The following OTOGL variants were observed in gnomAD, a reference collection of about 807,000 sequenced individuals.
The protein encoded by OTOGL is otogelin-like protein.
In OTOGL, 285 loss-of-function variants were observed where a neutral mutation model predicts 318.5. The ratio of observed to expected loss-of-function variants is 0.89; its 90% CI spans 0.81 to 0.99. The LOEUF (loss-of-function observed/expected upper bound fraction) is 0.99. Among genes scored for constraint, OTOGL ranks in the 50% least tolerant of loss-of-function variants. The pLI is 0.00. For missense variants in OTOGL, 2,899 were observed against 2,845.6 expected, an observed-to-expected ratio of 1.02 and a Z score of -0.43; for synonymous variants, 987 against 936.5, an observed-to-expected ratio of 1.05 and a Z score of -0.99.
chr12:80,179,405 G>A (rs1184754835), intron 1 of OTOGL, among the ~76,000 whole-genome samples: 1 of 152,148 alleles, frequency 6.6e-6, no homozygotes, highest in Non-Finnish European at 1.5e-5. Context: ...CCTGTAGCCT[G>A]AGGGCACTAA....
At chr12:80,166,624 C>A (rs1873848603) in intron 1 of OTOGL, among the ~76,000 whole-genome samples, 1 of 152,158 alleles carries the variant, frequency 6.6e-6, no homozygotes, top group Admixed American at 6.6e-5. Context: ...GAGATTTACT[C>A]TGCTCCATAA....
chr12:80,334,079 T>C (rs1480461313), intron 38 of OTOGL, among the ~76,000 whole-genome samples: 2 of 152,076 alleles, frequency 1.3e-5, no homozygotes, highest in African/African-American at 4.8e-5. Flanking sequence ...TTTTGGCTGG[T>C]ATATTGTGGG....
rs1236250166 is a variant in OTOGL at position 80,255,516 on chromosome 12, G to A, written c.1587+331G>A. Among the ~76,000 whole-genome samples the A allele has an allele frequency of 3.3e-5, 5 of 151,808 alleles. 1 individual carries two copies. The highest frequency in any genetic ancestry group is 2.1e-4 in the South Asian group (1 of 4,812). On this transcript the variant is annotated intron_variant, in intron 16 of 58. Transcript: ENST00000547103. ...GTTTTTTGTACATATAGTTTTGTAC[G>A]TATAGTTTTTTGAACATTTTATGCA...
At chr12:80,272,342 A>ATGTGTG (rs56364698) in intron 24 of OTOGL, among the ~76,000 whole-genome samples, 27 of 145,602 alleles carry the variant, frequency 1.9e-4, no homozygotes, top group African/African-American at 6.9e-4. Context: ...AGGCATTGTG[A>ATGTGTG]TGTGTGTGTG....
intron 44 of OTOGL, among the ~76,000 whole-genome samples, chr12:80,346,473 A>C (rs1283861063): frequency 6.6e-6 from 1 of 152,190 alleles, no homozygotes; most frequent in Non-Finnish European, 1.5e-5. Context: ...CAGGTATAGT[A>C]AGGTAGCTAA....
At chr12:80,116,590 C>T (rs1870180904) in intron 1 of OTOGL, among the ~76,000 whole-genome samples, 1 of 152,134 alleles carries the variant, frequency 6.6e-6, no homozygotes, top group Admixed American at 6.5e-5. Flanking sequence ...TAATCACTCT[C>T]TTAGTCTAGG....
At chr12:80,323,924 C>G (rs772500646) in intron 35 of OTOGL, 84 bp downstream of exon 35, 5 of 1,038,112 alleles carry the variant, frequency 4.8e-6, no homozygotes, top group Non-Finnish European at 5.8e-6. Flanking sequence ...ATTTTAAAAA[C>G]AGCCATTCTC....
At chr12:80,347,404 G>A (rs4381423) in intron 44 of OTOGL, among the ~76,000 whole-genome samples, 141,257 of 152,154 alleles carry the variant, frequency 0.93, 65,644 homozygotes, top group East Asian at 1. Flanking sequence ...TTGGTTTTCC[G>A]TTCCTGTGTT....
At chr12:80,224,342 C>T (rs1016596239) in intron 7 of OTOGL, among the ~76,000 whole-genome samples, 3 of 152,008 alleles carry the variant, frequency 2.0e-5, no homozygotes, top group African/African-American at 4.8e-5. Flanking sequence ...AGTTTGAAGT[C>T]GGGTAATGTA....
intron 1 of OTOGL, among the ~76,000 whole-genome samples, chr12:80,190,460 C>T (rs531604342): frequency 1.3e-5 from 2 of 152,268 alleles, no homozygotes; most frequent in African/African-American, 4.8e-5. Flanking sequence ...TTTGCCAAAA[C>T]CGTGGGCAAA....
intron 26 of OTOGL, among the ~76,000 whole-genome samples, chr12:80,285,898 C>T (rs1884583439): frequency 6.6e-6 from 1 of 152,114 alleles, no homozygotes; most frequent in African/African-American, 2.4e-5. Flanking sequence ...GCCAGAACTT[C>T]CAACACTATG....
chr12:80,208,102 ACTT>A (rs1876949285), intron 1 of OTOGL: 1 of 458,476 alleles, frequency 2.2e-6, no homozygotes, highest in African/African-American at 2.0e-5. Flanking sequence ...TCACATAACT[ACTT>A]TATAATTTTA....
In OTOGL at chr12:80,320,606, A is replaced by G; in HGVS notation, c.3987A>G (p.Lys1329=). The change falls in exon 34 of 59, where the codon AAA becomes AAG. Residue 1329 remains lysine, a synonymous_variant. Coordinates refer to ENST00000547103, the MANE Select transcript of OTOGL (RefSeq NM_001378609.3). ...GTGCATTTGAGTTATACAGCAAGAA[A>G]GGCTTTTTCATCATATTCACAGATT... ...GYSAFELYSK[K]GFFIIFTDSS... 1 of 1,612,422 alleles carries G rather than the reference A, an allele frequency of 6.2e-7. No individual in the cohort carries two copies. Among genetic ancestry groups the G allele is most frequent in the South Asian group, 1.1e-5 (1 of 90,814 alleles).
chr12:80,310,449 A>C (rs972590512), intron 29 of OTOGL, among the ~76,000 whole-genome samples, 162 bp from the exon 30 acceptor site: 4 of 152,254 alleles, frequency 2.6e-5, no homozygotes, highest in African/African-American at 9.6e-5. Flanking sequence ...TAATATATGC[A>C]ATTAACATTG....
chr12:80,302,721 G>T lies in OTOGL; in HGVS notation c.3151G>T (p.Asp1051Tyr), dbSNP rs972719303. The change falls in exon 28 of 59, where the codon GAT becomes TAT. Residue 1051 changes from aspartate (D) to tyrosine (Y), a missense_variant. Transcript: ENST00000547103. Reference sequence around the variant, plus strand: ...TATAGTAGTATACTTTCCAGAGAAAGATATCACTATTCTTTGGGATAGGAA... The same window carrying T: ...TATAGTAGTATACTTTCCAGAGAAATATATCACTATTCTTTGGGATAGGAA... The part of the protein sequence containing the change: ...YYIVVYFPEK[D>Y]ITILWDRKTT... The T allele has an allele frequency of 2.9e-5, 44 of 1,541,410 alleles. No homozygotes were observed. The highest frequency in any genetic ancestry group is 3.4e-4 in the Middle Eastern group (2 of 5,846).
intron 1 of OTOGL, among the ~76,000 whole-genome samples, chr12:80,207,090 T>A (rs947495762): frequency 6.6e-6 from 1 of 152,164 alleles, no homozygotes; most frequent in African/African-American, 2.4e-5. Flanking sequence ...CTAACTTTTT[T>A]TACCAAGTTC....
intron 8 of OTOGL, among the ~76,000 whole-genome samples, chr12:80,230,713 G>A (rs1028228572): frequency 2.6e-5 from 4 of 152,142 alleles, no homozygotes; most frequent in African/African-American, 9.7e-5. Context: ...CTAACTCATA[G>A]CAAATGCTAC....
chr12:80,194,145 G>C (rs572003843), intron 1 of OTOGL, among the ~76,000 whole-genome samples: 4 of 152,158 alleles, frequency 2.6e-5, no homozygotes, highest in Admixed American at 2.6e-4. Flanking sequence ...ATAGCCAAAC[G>C]TTAGGCATGT....
chr12:80,157,422 T>G (rs1297310677), intron 1 of OTOGL, among the ~76,000 whole-genome samples: 1 of 152,152 alleles, frequency 6.6e-6, no homozygotes, highest in African/African-American at 2.4e-5. Context: ...CAGAAGCTTT[T>G]TAACTCGAGA....
Sources: gnomAD v4.1 joint callset for allele counts (sites outside exome capture counted in the v4.1 genomes callset) on GRCh38, gnomAD v4.1.1 for gene constraint, MANE v1.5 for transcripts, NCBI Gene and HGNC (gene_info 2026-07-23, HGNC 2026-07-21) for gene names.